The following TTC28 variants were observed in gnomAD, a reference collection of about 807,000 sequenced individuals.
The protein encoded by TTC28 is tetratricopeptide repeat domain 28, also known as tetratricopeptide repeat protein 28.
TTC28 carries 61 observed loss-of-function variants against 198.0 expected under a neutral mutation model. The ratio of observed to expected loss-of-function variants is 0.31; its 90% CI spans 0.25 to 0.38. The LOEUF (loss-of-function observed/expected upper bound fraction) is 0.38. Among genes scored for constraint, TTC28 ranks in the 10% least tolerant of loss-of-function variants. TTC28 has a pLI of 1.00. For missense variants in TTC28, 2,678 were observed against 3,164.0 expected, an observed-to-expected ratio of 0.85 and a Z score of 3.69; for synonymous variants, 1,171 against 1,297.8, an observed-to-expected ratio of 0.90 and a Z score of 2.10.
chr22:28,679,498 C>T (rs1332260469), intron 1 of TTC28, 124 bp downstream of exon 1: 8 of 609,434 alleles, frequency 1.3e-5, no homozygotes, highest in Non-Finnish European at 2.1e-5. Flanking sequence ...CGGCTGGGAT[C>T]GAACCCGGAC....
At position 28,070,884 on chromosome 22, in the gene TTC28, A is replaced by C. The variant is rs1487854281; in HGVS notation, c.3932+23196T>G. Among the ~76,000 whole-genome samples the C allele has an allele frequency of 2.0e-5, 3 of 152,334 alleles. No individual in the cohort carries two copies. In the East Asian group the frequency reaches 5.8e-4, roughly 29 times the overall value. On this transcript the variant is annotated intron_variant, in intron 12 of 22. Coordinates refer to ENST00000397906, the MANE Select transcript of TTC28 (RefSeq NM_001145418.2). The stretch of plus-strand genomic sequence containing the variant: ...CAGTATAATTTTCAAGCTATCCCAC[A>C]GCTATATTCTTTCGAGAGCACAGTA...
chr22:27,990,365 A>G (rs545413098), intron 20 of TTC28, among the ~76,000 whole-genome samples: 1 of 152,316 alleles, frequency 6.6e-6, no homozygotes, highest in Non-Finnish European at 1.5e-5. Context: ...AGTCATCTTT[A>G]GGACCTTGAG....
chr22:28,086,255 A>G (rs1941593371), intron 12 of TTC28, among the ~76,000 whole-genome samples: 1 of 152,122 alleles, frequency 6.6e-6, no homozygotes, highest in Non-Finnish European at 1.5e-5. Context: ...TTGACCACAT[A>G]CTTGGAAGTA....
chr22:28,526,227 G>C (rs1163218721), intron 2 of TTC28, among the ~76,000 whole-genome samples: 1 of 152,104 alleles, frequency 6.6e-6, no homozygotes, highest in Non-Finnish European at 1.5e-5. Context: ...GCTGAAATAA[G>C]ACAAACTATC....
intron 2 of TTC28, among the ~76,000 whole-genome samples, chr22:28,479,867 A>G (rs932503134): frequency 6.6e-6 from 1 of 152,120 alleles, no homozygotes; most frequent in Non-Finnish European, 1.5e-5. Flanking sequence ...AATCCTTGTC[A>G]TATCTGCTCA....
intron 8 of TTC28, among the ~76,000 whole-genome samples, chr22:28,101,882 C>G (rs1403245735): frequency 6.7e-6 from 1 of 149,174 alleles, no homozygotes; most frequent in Non-Finnish European, 1.5e-5. Context: ...TAAGCATTGT[C>G]TTCAAATTCT....
At chr22:28,203,170 G>GACTTTAGA (rs1926117849) in intron 5 of TTC28, among the ~76,000 whole-genome samples, 1 of 152,016 alleles carries the variant, frequency 6.6e-6, no homozygotes, top group Non-Finnish European at 1.5e-5. Flanking sequence ...GGCAAACATG[G>GACTTTAGA]ACTTTAGAGT....
chr22:28,260,434 A>G (rs1258104161), intron 5 of TTC28, among the ~76,000 whole-genome samples: 2 of 152,160 alleles, frequency 1.3e-5, no homozygotes, highest in Non-Finnish European at 2.9e-5. Context: ...GAACCTTAAC[A>G]GGCCAGACAT....
At chr22:28,165,900 C>A (rs1921873625) in intron 5 of TTC28, among the ~76,000 whole-genome samples, 2 of 152,158 alleles carry the variant, frequency 1.3e-5, no homozygotes, top group South Asian at 4.1e-4. Context: ...GATAAAGAGT[C>A]AAGACCCATC....
chr22:28,340,176 A>C (rs531405755), intron 2 of TTC28, among the ~76,000 whole-genome samples: 3 of 152,308 alleles, frequency 2.0e-5, no homozygotes, highest in Admixed American at 2.0e-4. Context: ...GACGAGTTAC[A>C]TGAACCTCAA....
intron 2 of TTC28, among the ~76,000 whole-genome samples, chr22:28,467,475 G>T (rs893403822): frequency 6.6e-6 from 1 of 152,144 alleles, no homozygotes; most frequent in Non-Finnish European, 1.5e-5. Context: ...TATATTTATT[G>T]ATTTGTTGGC....
At chr22:27,985,432 C>CATGTT in intron 21 of TTC28, 76 bp from the exon 22 acceptor site, 1 of 1,166,674 alleles carries the variant, frequency 8.6e-7, no homozygotes, top group Non-Finnish European at 1.2e-6. Flanking sequence ...CTATAGGGCT[C>CATGTT]CTTGTGCAAC....
chr22:28,483,957 G>A (rs1195562185), intron 2 of TTC28, among the ~76,000 whole-genome samples: 4 of 152,154 alleles, frequency 2.6e-5, no homozygotes, highest in Non-Finnish European at 5.9e-5. Flanking sequence ...GAATTGTTAA[G>A]TAGGTAAGAG....
chr22:28,377,992 G>A (rs1376506138), intron 2 of TTC28, among the ~76,000 whole-genome samples: 1 of 152,094 alleles, frequency 6.6e-6, no homozygotes, highest in African/African-American at 2.4e-5. Flanking sequence ...AGGAAAGATT[G>A]GAAGACATTT....
intron 5 of TTC28, among the ~76,000 whole-genome samples, chr22:28,253,718 G>A (rs1456472654): frequency 1.3e-5 from 2 of 152,154 alleles, no homozygotes; most frequent in Non-Finnish European, 2.9e-5. Flanking sequence ...TAGTATCTGA[G>A]TAGAAGAGGG....
At position 27,989,980 on chromosome 22, in the gene TTC28, C is replaced by G. The variant is rs1016516249; in HGVS notation, c.5605G>C (p.Ala1869Pro). 6.4e-7 allele frequency: 1 copy of G among 1,551,114 alleles called. No individual in the cohort carries two copies. Among genetic ancestry groups the G allele is most frequent in the Non-Finnish European group, 8.7e-7 (1 of 1,146,832 alleles). ...GCCAAGTCCTGCTCCTTCTCGCCAG[C>G]CTGGAGCTGAACCAGCACCTGGTGG... ...MLHQVLVQLQ[A>P]GEKEQDLASA... The change falls in exon 21 of 23, where the codon GCT becomes CCT. Residue 1869 changes from alanine (A) to proline (P), a missense_variant. Physicochemically the swap from Ala to Pro is conservative, Grantham distance 27. Around this residue, in one of 8 missense-constraint regions of TTC28, gnomAD observed 314 missense variants for 442.7 expected, o/e 0.71. Coordinates refer to ENST00000397906, the MANE Select transcript of TTC28 (RefSeq NM_001145418.2).
rs189642712 is a variant in TTC28 at position 28,232,134 on chromosome 22, T to C, written c.933+64064A>G. Among the ~76,000 whole-genome samples the C allele has an allele frequency of 1.5e-4, 23 of 152,306 alleles. No homozygotes were observed. The South Asian group carries it at 2.3e-3, about 15-fold the overall frequency. On this transcript the variant is annotated intron_variant, in intron 5 of 22. Transcript: ENST00000397906. Reference sequence around the variant, plus strand: ...TTCATCCCACCCCTGCTGAGAGCCATAGCTGCTCATGAAGTACCACAGGAT... The same window carrying C: ...TTCATCCCACCCCTGCTGAGAGCCACAGCTGCTCATGAAGTACCACAGGAT...
chr22:28,492,283 T>G (rs2048391135), intron 2 of TTC28, among the ~76,000 whole-genome samples: 1 of 151,948 alleles, frequency 6.6e-6, no homozygotes, highest in Admixed American at 6.6e-5. Context: ...GCTGTCTAAA[T>G]AAACCAATTA....
chr22:28,227,247 GATGA>G (rs2147218684), intron 5 of TTC28, among the ~76,000 whole-genome samples: 1 of 152,196 alleles, frequency 6.6e-6, no homozygotes, highest in East Asian at 1.9e-4. Flanking sequence ...ACTCAAAATG[GATGA>G]AAGACCTAAA....
Sources: allele counts gnomAD v4.1 joint callset (sites outside exome capture counted in the v4.1 genomes callset), GRCh38; gene constraint gnomAD v4.1.1; regional missense constraint gnomAD v4.1.1; transcripts MANE v1.5; gene names NCBI Gene and HGNC (gene_info 2026-07-23, HGNC 2026-07-21).